The following PBLD variants were observed in gnomAD, a reference collection of about 807,000 sequenced individuals.
PBLD encodes phenazine biosynthesis-like domain-containing protein.
PBLD carries 26 observed loss-of-function variants against 31.3 expected under a neutral mutation model. The ratio of observed to expected loss-of-function variants is 0.83; its 90% CI spans 0.61 to 1.15. PBLD has a LOEUF of 1.15. Among genes scored for constraint, PBLD ranks in the 50% most tolerant of loss-of-function variants. The probability of loss-of-function intolerance (pLI) is 0.00; values close to 1 mark genes in which losing one functional copy is unlikely to be tolerated. For synonymous variants in PBLD, 114 were observed against 129.0 expected (o/e 0.88, Z 0.79); for missense variants, 307 against 351.7 (o/e 0.87, Z 1.02).
intron 4 of PBLD, 163 bp downstream of exon 4, chr10:68,296,103 T>C (rs1207927553): frequency 9.9e-6 from 5 of 507,006 alleles, no homozygotes; most frequent in African/African-American, 3.8e-5. Flanking sequence ...CAAAGTGCTA[T>C]TGAAGGTCGC....
chr10:68,329,595 T>A (rs2044979130), intron 1 of PBLD, among the ~76,000 whole-genome samples: 1 of 149,958 alleles, frequency 6.7e-6, no homozygotes, highest in African/African-American at 2.5e-5. Flanking sequence ...AGAGTCTTAT[T>A]AATACAGCAA....
At chr10:68,319,090 AGAAAGAAAGAAAGAAAGAAAG>A (rs2044787718) in intron 1 of PBLD, among the ~76,000 whole-genome samples, 3 of 133,720 alleles carry the variant, frequency 2.2e-5, no homozygotes, top group African/African-American at 9.3e-5. Flanking sequence ...AAAGAAAGAA[AGAAAGAAAGAAAGAAAGAAAG>A]GAAAAAGAAA....
At position 68,289,001 on chromosome 10, in the gene PBLD, G is replaced by C; in HGVS notation, c.442C>G (p.Leu148Val). Residue 148 changes from leucine (L) to valine (V), a missense_variant, in exon 7 of 10, where the codon CTG becomes GTG. Leu to Val is a conservative substitution (Grantham distance 32). Transcript: ENST00000358769. ...GGAGAATAACAGATGTCCTGGACCA[G>C]TGTGTTGCCTATGGCAGTCTGTGGA... is the stretch of plus-strand genomic sequence containing the variant. ...DLIKTAIGNT[L>V]VQDICYSPDT... 6.2e-7 allele frequency: 1 copy of C among 1,614,132 alleles called. No individual in the cohort carries two copies. Among genetic ancestry groups the C allele is most frequent in the Non-Finnish European group, 8.5e-7 (1 of 1,180,004 alleles).
chr10:68,289,862 C>A (rs4746754), intron 6 of PBLD, among the ~76,000 whole-genome samples: 1 of 151,950 alleles, frequency 6.6e-6, no homozygotes, highest in Admixed American at 6.6e-5. Flanking sequence ...ACACGGCAAG[C>A]ACTCAGGGCT....
At chr10:68,297,255 A>T in intron 2 of PBLD, 1 of 461,100 alleles carries the variant, frequency 2.2e-6, no homozygotes, top group Non-Finnish European at 3.9e-6. Flanking sequence ...TGTCACAGTA[A>T]GATCTAGTCT....
At chr10:68,332,755 C>G (rs917460338) in intron 1 of PBLD, 29 bp downstream of exon 1, 1 of 152,298 alleles carries the variant, frequency 6.6e-6, no homozygotes, top group African/African-American at 2.4e-5. Context: ...ACCGCGGCCT[C>G]CCTTCCTCCG....
At chr10:68,324,521 G>A (rs1400339207) in intron 1 of PBLD, among the ~76,000 whole-genome samples, 12 of 151,898 alleles carry the variant, frequency 7.9e-5, no homozygotes, top group Admixed American at 7.9e-4. Context: ...TAATACCATT[G>A]CTCTAGTTTA....
In PBLD at chr10:68,292,028, T is replaced by C. The variant is rs771104989; in HGVS notation, c.405A>G (p.Glu135=). The change falls in exon 6 of 10, where the codon GAA becomes GAG. Residue 135 remains glutamate, a synonymous_variant. Transcript: ENST00000358769. ...TACCAACCTTTATCAAGTCCTCTAC[T>C]TCATGGAAGTCCTAGATGGGGGGAA... ...LYPAHPQDFH[E]VEDLIKTAIG... 6.3e-7 allele frequency: 1 copy of C among 1,590,562 alleles called. No individual in the cohort carries two copies. Among genetic ancestry groups the C allele is most frequent in the Non-Finnish European group, 8.6e-7 (1 of 1,158,944 alleles).
chr10:68,283,910 C>G lies in PBLD; in HGVS notation c.*267G>C. ...TACAGGCATGTGGCACCACACCCAG[C>G]TAATTTTTGTATTTGTAGTAGAGAC... On this transcript the variant is annotated 3_prime_UTR_variant, in exon 10 of 10. Transcript: ENST00000358769. The G allele has an allele frequency of 3.6e-6, 1 of 281,240 alleles. No individual in the cohort carries two copies. Among genetic ancestry groups the G allele is most frequent in the Non-Finnish European group, 6.8e-6 (1 of 145,992 alleles). The allele number at this position is 281,240 out of a possible 1,614,324, so 17.4% of individuals were successfully genotyped here.
chr10:68,332,880 A>G lies in PBLD; in HGVS notation c.-156T>C, dbSNP rs1251011779. The G allele has an allele frequency of 6.6e-6, 1 of 152,276 alleles. No individual in the cohort carries two copies. Among genetic ancestry groups the G allele is most frequent in the African/African-American group, 2.4e-5 (1 of 41,440 alleles). 9.4% of individuals were successfully genotyped at this position (152,276 alleles called of 1,614,324 possible). A position where few individuals can be genotyped will look rare whatever the true frequency, so the allele number is the denominator to read the frequency against. ...AAAGCCAATGGCGACGAAGGTGCTC[A>G]ACTCCCAAATCCAGGACAAAGGAGG... On this transcript the variant is annotated 5_prime_UTR_variant, in exon 1 of 10. Coordinates refer to ENST00000358769, the MANE Select transcript of PBLD (RefSeq NM_022129.4).
intron 1 of PBLD, among the ~76,000 whole-genome samples, chr10:68,328,388 A>C (rs1008250210): frequency 6.6e-6 from 1 of 151,962 alleles, no homozygotes; most frequent in African/African-American, 2.4e-5. Flanking sequence ...AATCTCTTTC[A>C]ATTTCTTTTT....
intron 1 of PBLD, among the ~76,000 whole-genome samples, chr10:68,326,012 G>A (rs1179236035): frequency 4.6e-5 from 7 of 150,958 alleles, no homozygotes; most frequent in African/African-American, 7.4e-5. Context: ...CTTTATGTAC[G>A]TGCATTTTTT....
chr10:68,292,483 G>A (rs1446939989), intron 4 of PBLD, among the ~76,000 whole-genome samples: 1 of 150,486 alleles, frequency 6.6e-6, no homozygotes, highest in African/African-American at 2.4e-5. Context: ...GCTCTTTACT[G>A]CTTACTGTGC....
chr10:68,315,283 G>T (rs868824305), intron 1 of PBLD, among the ~76,000 whole-genome samples: 2 of 152,138 alleles, frequency 1.3e-5, no homozygotes, highest in African/African-American at 4.8e-5. Flanking sequence ...TGTCCAGAAA[G>T]GGTTTTGAAA....
At chr10:68,296,844 G>A (rs771233049) in intron 3 of PBLD, 42 bp downstream of exon 3, 10 of 1,515,878 alleles carry the variant, frequency 6.6e-6, no homozygotes, top group South Asian at 2.3e-5. Context: ...ACTCCAGCCC[G>A]TGCGACAGAA....
At chr10:68,330,188 G>A (rs184538073) in intron 1 of PBLD, among the ~76,000 whole-genome samples, 113 of 152,086 alleles carry the variant, frequency 7.4e-4, no homozygotes, top group African/African-American at 2.6e-3. Flanking sequence ...GGGGGTATGT[G>A]AGCATCATGA....
intron 2 of PBLD, among the ~76,000 whole-genome samples, chr10:68,306,040 C>T (rs4746759): frequency 0.79 from 119,567 of 151,832 alleles, 47,709 homozygotes; most frequent in Non-Finnish European, 0.86. Context: ...CCTTGTTTCT[C>T]ACTACTTAGG....
At chr10:68,287,185 T>C (rs2044299797) in intron 8 of PBLD, 2 of 151,952 alleles carry the variant, frequency 1.3e-5, no homozygotes, top group Non-Finnish European at 2.9e-5. Flanking sequence ...CTGAGACTGT[T>C]CTGGTTTTAG....
chr10:68,282,805 T>G lies in PBLD; in HGVS notation c.*1372A>C, dbSNP rs1469746950. On this transcript the variant is annotated 3_prime_UTR_variant, in exon 10 of 10. Coordinates refer to ENST00000358769, the MANE Select transcript of PBLD (RefSeq NM_022129.4). ...TGAAAAAATTGGGGTCATTAAAGAA[T>G]GTCTGACTGATTAGCTTGCAGTTTT... The G allele has an allele frequency of 6.6e-6, 1 of 152,202 alleles. No individual in the cohort carries two copies. 9.4% of individuals were successfully genotyped at this position (152,202 alleles called of 1,614,324 possible). A position where few individuals can be genotyped will look rare whatever the true frequency, so the allele number is the denominator to read the frequency against.
Sources: allele counts gnomAD v4.1 joint callset (sites outside exome capture counted in the v4.1 genomes callset), GRCh38; gene constraint gnomAD v4.1.1; transcripts MANE v1.5; gene names NCBI Gene and HGNC (gene_info 2026-07-23, HGNC 2026-07-21).